Variants in ZNF385B observed in about 807,000 individuals in gnomAD.
The protein encoded by ZNF385B is zinc finger protein 385B.
In ZNF385B, 23 loss-of-function variants were observed where a neutral mutation model predicts 39.2. The ratio of observed to expected loss-of-function variants is 0.59; its 90% confidence interval spans 0.42 to 0.83. The LOEUF (loss-of-function observed/expected upper bound fraction) is 0.83. ZNF385B is among the 40% of genes least tolerant of loss of function. The pLI, the probability that ZNF385B is intolerant of heterozygous loss-of-function variation, is 0.00. For missense variants in ZNF385B, 552 were observed against 598.9 expected (o/e 0.92, Z 0.82); for synonymous variants, 205 against 222.6 (o/e 0.92, Z 0.70).
At chr2:179,655,639 T>C (rs998374080) in intron 3 of ZNF385B, among the ~76,000 whole-genome samples, 9 of 151,970 alleles carry the variant, frequency 5.9e-5, no homozygotes, top group African/African-American at 1.9e-4. Context: ...GGACCCTCCT[T>C]TTAAAGAAAC....
At chr2:179,479,782 T>C (rs2053802486) in intron 6 of ZNF385B, among the ~76,000 whole-genome samples, 1 of 152,022 alleles carries the variant, frequency 6.6e-6, no homozygotes, top group Admixed American at 6.6e-5. Context: ...GAGTTTGCAG[T>C]GAGCCAAGAT....
rs144352308 is a variant in ZNF385B at position 179,527,864 on chromosome 2, C to G, written c.442-9226G>C. On this transcript the variant is annotated intron_variant, in intron 4 of 9. Transcript: ENST00000410066. ...AATAGGCTTTCAAATATCCAACATT[C>G]TAGTTGGGAAGACCCAGACCCAAAT... Among the ~76,000 whole-genome samples, 287 of 152,170 alleles carry G rather than the reference C, an allele frequency of 1.9e-3. 1 individual carries two copies. Among genetic ancestry groups the G allele is most frequent in the African/African-American group, 5.9e-3 (247 of 41,532 alleles).
intron 3 of ZNF385B, among the ~76,000 whole-genome samples, chr2:179,648,141 G>A (rs1050177238): frequency 6.6e-6 from 1 of 152,064 alleles, no homozygotes. Context: ...AGCTTGCCAT[G>A]GGGTATTGGT....
intron 3 of ZNF385B, among the ~76,000 whole-genome samples, chr2:179,706,435 A>G (rs1019885212): frequency 6.6e-6 from 1 of 152,150 alleles, no homozygotes. Flanking sequence ...ATAACAATTG[A>G]CATGACAACT....
chr2:179,670,163 G>A (rs1695740467), intron 3 of ZNF385B, among the ~76,000 whole-genome samples: 1 of 151,962 alleles, frequency 6.6e-6, no homozygotes, highest in African/African-American at 2.4e-5. Flanking sequence ...GTGATGGCGG[G>A]CGCCTGTAGT....
Position 179,770,630 on chromosome 2 carries a change from T to A in ZNF385B, c.-112A>T, listed in dbSNP as rs989989901. On this transcript the variant is annotated 5_prime_UTR_variant, in exon 2 of 10. It removes an upstream start codon present in the reference 5' UTR. Coordinates refer to ENST00000410066, the MANE Select transcript of ZNF385B (RefSeq NM_152520.6). Reference sequence around the variant, plus strand: ...GTTTTTCGGTTTCCAGGTTAGCCCATAAACATCAATTTAATATTTGATGGA... The same window carrying A: ...GTTTTTCGGTTTCCAGGTTAGCCCAAAAACATCAATTTAATATTTGATGGA... 2 of 152,232 alleles carry A rather than the reference T, an allele frequency of 1.3e-5. No individual in the cohort carries two copies. The highest frequency in any genetic ancestry group is 2.9e-5 in the Non-Finnish European group (2 of 68,038). The allele number at this position is 152,232 out of a possible 1,614,324, so 9.4% of individuals were successfully genotyped here.
chr2:179,792,429 C>T (rs927189740), intron 1 of ZNF385B, among the ~76,000 whole-genome samples: 8 of 143,422 alleles, frequency 5.6e-5, no homozygotes, highest in African/African-American at 2.1e-4. Context: ...GGCTGGAGTG[C>T]AGTGGCACCA....
intron 3 of ZNF385B, among the ~76,000 whole-genome samples, chr2:179,659,408 A>G (rs946444742): frequency 3.9e-5 from 6 of 152,182 alleles, no homozygotes; most frequent in Non-Finnish European, 8.8e-5. Flanking sequence ...ATATTTTCCA[A>G]TGAAATTCTT....
intron 5 of ZNF385B, among the ~76,000 whole-genome samples, chr2:179,511,084 T>C (rs1164263617): frequency 6.6e-6 from 1 of 152,232 alleles, no homozygotes; most frequent in Non-Finnish European, 1.5e-5. Flanking sequence ...CCAGTTGATC[T>C]GATTTCTCAG....
intron 6 of ZNF385B, among the ~76,000 whole-genome samples, chr2:179,478,696 G>T (rs2105567937): frequency 1.3e-5 from 2 of 152,182 alleles, no homozygotes; most frequent in Non-Finnish European, 2.9e-5. Flanking sequence ...TCCTCATATT[G>T]ATATCTAATT....
chr2:179,724,821 G>A (rs1442285265), intron 3 of ZNF385B, among the ~76,000 whole-genome samples: 2 of 152,120 alleles, frequency 1.3e-5, no homozygotes, highest in Admixed American at 1.3e-4. Context: ...AAGCTAGGGA[G>A]GATGGGAATG....
At chr2:179,605,862 C>T (rs746060355) in intron 3 of ZNF385B, among the ~76,000 whole-genome samples, 3 of 152,018 alleles carry the variant, frequency 2.0e-5, no homozygotes, top group Non-Finnish European at 4.4e-5. Context: ...GCAGTAGACA[C>T]AATGAGAAAG....
At chr2:179,817,632 T>G (rs1707145218) in intron 1 of ZNF385B, among the ~76,000 whole-genome samples, 1 of 151,744 alleles carries the variant, frequency 6.6e-6, no homozygotes, top group Non-Finnish European at 1.5e-5. Context: ...TAACTGTGTG[T>G]GAGTAGACAT....
chr2:179,483,361 T>G lies in ZNF385B; in HGVS notation c.626A>C (p.Lys209Thr). ...KVKALDATKN[K>T]PKMVPSKDSA... ...GTCCTTGGAAGGAACCATTTTGGGTTTATTTTTCGTTGCGTCTAGTGCTTT... is the reference window on the plus strand; with the variant it reads ...GTCCTTGGAAGGAACCATTTTGGGTGTATTTTTCGTTGCGTCTAGTGCTTT... Residue 209 changes from lysine (K) to threonine (T), a missense_variant, in exon 6 of 10, where the codon AAA becomes ACA. Physicochemically the swap from Lys to Thr is moderately conservative, Grantham distance 78 (BLOSUM62 -1). Transcript: ENST00000410066. 6.2e-7 allele frequency: 1 copy of G among 1,614,092 alleles called. No homozygotes were observed. Among genetic ancestry groups the G allele is most frequent in the Non-Finnish European group, 8.5e-7 (1 of 1,179,966 alleles).
chr2:179,746,127 G>A, intron 3 of ZNF385B: 1 of 768,620 alleles, frequency 1.3e-6, no homozygotes, highest in Non-Finnish European at 1.6e-6. Flanking sequence ...CAGCCACTGT[G>A]ATCAAATTCA....
At chr2:179,733,805 A>G (rs1701560605) in intron 3 of ZNF385B, among the ~76,000 whole-genome samples, 1 of 147,272 alleles carries the variant, frequency 6.8e-6, no homozygotes, top group Non-Finnish European at 1.5e-5. Context: ...AAAAAAAAGT[A>G]CAAGAGTATA....
At chr2:179,847,973 G>A (rs1308415307) in intron 1 of ZNF385B, among the ~76,000 whole-genome samples, 1 of 152,136 alleles carries the variant, frequency 6.6e-6, no homozygotes, top group Non-Finnish European at 1.5e-5. Flanking sequence ...CTTGGACAGA[G>A]GGTCCATGGT....
intron 6 of ZNF385B, among the ~76,000 whole-genome samples, chr2:179,474,152 C>G (rs1229394401): frequency 6.6e-6 from 1 of 150,546 alleles, no homozygotes; most frequent in African/African-American, 2.4e-5. Flanking sequence ...AAGAAACACA[C>G]ATTTCTGGGA....
intron 3 of ZNF385B, among the ~76,000 whole-genome samples, chr2:179,682,183 G>A (rs1697571108): frequency 6.6e-6 from 1 of 152,138 alleles, no homozygotes; most frequent in Non-Finnish European, 1.5e-5. Context: ...AGTAGGACCT[G>A]CTTTTACTTA....
Sources: allele counts gnomAD v4.1 joint callset (sites outside exome capture counted in the v4.1 genomes callset), GRCh38; gene constraint gnomAD v4.1.1; transcripts MANE v1.5; gene names NCBI Gene and HGNC (gene_info 2026-07-23, HGNC 2026-07-21).